FOXN3: variants seen among roughly 807,000 people sequenced by gnomAD.
FOXN3 encodes forkhead box N3.
Under a neutral mutation model 38.4 loss-of-function variants are expected in FOXN3, and 7 were observed. The observed-to-expected ratio is 0.18, with a 90% CI of 0.10 to 0.34. The LOEUF (loss-of-function observed/expected upper bound fraction) is 0.34, where lower values mean the gene tolerates loss of function less well. Among genes scored for constraint, FOXN3 ranks in the 10% least tolerant of loss-of-function variants. The pLI is 1.00. For synonymous variants in FOXN3, 230 were observed against 242.2 expected, an observed-to-expected ratio of 0.95 and a Z score of 0.47; for missense variants, 456 against 613.4, an observed-to-expected ratio of 0.74 and a Z score of 2.71.
intron 1 of FOXN3, among the ~76,000 whole-genome samples, chr14:89,544,612 G>A (rs1894850840): frequency 6.6e-6 from 1 of 152,166 alleles, no homozygotes; most frequent in Non-Finnish European, 1.5e-5. Context: ...AGGACATAAA[G>A]TAAAATGGCC....
chr14:89,261,202 G>T (rs541994627), intron 4 of FOXN3, among the ~76,000 whole-genome samples: 3 of 152,176 alleles, frequency 2.0e-5, no homozygotes, highest in Admixed American at 6.5e-5. Context: ...CCACCAAATG[G>T]TTCAGTGGTA....
intron 5 of FOXN3, among the ~76,000 whole-genome samples, chr14:89,176,071 G>C (rs1292237509): frequency 6.6e-6 from 1 of 152,166 alleles, no homozygotes; most frequent in African/African-American, 2.4e-5. Context: ...GTTATTTTGA[G>C]GATGATGTGT....
At chr14:89,363,649 G>A (rs1357477875) in intron 2 of FOXN3, among the ~76,000 whole-genome samples, 1 of 152,196 alleles carries the variant, frequency 6.6e-6, no homozygotes, top group Non-Finnish European at 1.5e-5. Flanking sequence ...TACTCAGCAT[G>A]GGAAAGGCAG....
chr14:89,241,264 G>C (rs573661767), intron 4 of FOXN3, among the ~76,000 whole-genome samples: 1 of 152,194 alleles, frequency 6.6e-6, no homozygotes, highest in Non-Finnish European at 1.5e-5. Flanking sequence ...AAGTTCACAC[G>C]AATGTTCACA....
intron 5 of FOXN3, among the ~76,000 whole-genome samples, chr14:89,174,379 G>C (rs1596080387): frequency 6.6e-6 from 1 of 152,174 alleles, no homozygotes; most frequent in African/African-American, 2.4e-5. Context: ...TTCTAACTCA[G>C]TGGTAATATC....
chr14:89,260,069 A>G (rs1885748381), intron 4 of FOXN3, among the ~76,000 whole-genome samples: 3 of 152,242 alleles, frequency 2.0e-5, no homozygotes, highest in South Asian at 2.1e-4. Flanking sequence ...CGTGTCGGGC[A>G]GTGTGAATGG....
chr14:89,428,042 T>C (rs951742532), intron 1 of FOXN3, among the ~76,000 whole-genome samples: 1 of 152,198 alleles, frequency 6.6e-6, no homozygotes, highest in Non-Finnish European at 1.5e-5. Flanking sequence ...CAAAGTCTTA[T>C]CCACGCCAAG....
chr14:89,314,732 G>T (rs192060080), intron 3 of FOXN3, among the ~76,000 whole-genome samples: 1 of 152,114 alleles, frequency 6.6e-6, no homozygotes, highest in Admixed American at 6.5e-5. Context: ...GTGGTGTGGA[G>T]CTCTGCTTGT....
chr14:89,260,986 G>C (rs113802765), intron 4 of FOXN3, among the ~76,000 whole-genome samples: 2 of 152,154 alleles, frequency 1.3e-5, no homozygotes, highest in Admixed American at 6.5e-5. Context: ...TATGTAAATT[G>C]CTCAGTCTGC....
chr14:89,395,775 G>GA (rs1163349210), intron 2 of FOXN3, among the ~76,000 whole-genome samples: 5 of 151,920 alleles, frequency 3.3e-5, no homozygotes, highest in Admixed American at 3.3e-4. Context: ...TTATTTCTGG[G>GA]AAAAAATGCC....
intron 3 of FOXN3, among the ~76,000 whole-genome samples, chr14:89,340,487 T>C (rs746972942): frequency 1.3e-5 from 2 of 152,214 alleles, no homozygotes; most frequent in Non-Finnish European, 2.9e-5. Flanking sequence ...TCCCACGCTC[T>C]TTCCGTACCT....
intron 2 of FOXN3, among the ~76,000 whole-genome samples, chr14:89,366,312 T>C (rs1453961712): frequency 1.3e-5 from 2 of 152,198 alleles, no homozygotes; most frequent in Non-Finnish European, 2.9e-5. Flanking sequence ...TGAAAAGTTT[T>C]GTCTCCTGAT....
chr14:89,567,146 T>C (rs963145123), intron 1 of FOXN3, among the ~76,000 whole-genome samples: 1 of 152,186 alleles, frequency 6.6e-6, no homozygotes, highest in Non-Finnish European at 1.5e-5. Context: ...CTAAAATCTC[T>C]TTTTAGAAAA....
intron 4 of FOXN3, among the ~76,000 whole-genome samples, chr14:89,277,264 A>G (rs1255949319): frequency 2.0e-5 from 3 of 152,226 alleles, no homozygotes; most frequent in Non-Finnish European, 4.4e-5. Flanking sequence ...ACACAAGAAG[A>G]AGGCACGGTG....
intron 1 of FOXN3, among the ~76,000 whole-genome samples, chr14:89,535,938 AAAGAATTAGTCGTATATTCTACTCCAT>A (rs1306522260): frequency 6.6e-6 from 1 of 152,236 alleles, no homozygotes; most frequent in South Asian, 2.1e-4. Context: ...AGTTAGTACA[AAAGAATTAGTCGTATATTCTACTCCAT>A]AAACTTGGTT....
chr14:89,529,862 T>A (rs1451618804), intron 1 of FOXN3, among the ~76,000 whole-genome samples: 1 of 151,984 alleles, frequency 6.6e-6, no homozygotes, highest in Non-Finnish European at 1.5e-5. Flanking sequence ...GAGCTATGAG[T>A]GCACCACTGC....
intron 4 of FOXN3, among the ~76,000 whole-genome samples, chr14:89,208,955 CT>C (rs1406954564): frequency 2.0e-5 from 3 of 152,252 alleles, no homozygotes; most frequent in South Asian, 2.1e-4. Flanking sequence ...CCCAGTTTTT[CT>C]TTTTTAACAA....
intron 1 of FOXN3, among the ~76,000 whole-genome samples, chr14:89,530,863 A>G (rs1274667190): frequency 1.3e-5 from 2 of 149,342 alleles, no homozygotes; most frequent in African/African-American, 4.9e-5. Context: ...ACCTGCCTCA[A>G]CCTCCCAAAG....
intron 4 of FOXN3, among the ~76,000 whole-genome samples, chr14:89,273,927 G>A (rs1258644516): frequency 1.3e-5 from 2 of 152,190 alleles, no homozygotes; most frequent in Admixed American, 6.5e-5. Flanking sequence ...AATGGAGAGA[G>A]GTTTTCTTAT....
Sources: allele counts gnomAD v4.1 joint callset (sites outside exome capture counted in the v4.1 genomes callset), GRCh38; gene constraint gnomAD v4.1.1; transcripts MANE v1.5; gene names NCBI Gene and HGNC (gene_info 2026-07-23, HGNC 2026-07-21).